Variants in GASK1A observed in about 807,000 individuals in gnomAD.
GASK1A encodes golgi associated kinase 1A.
Under a neutral mutation model 41.2 loss-of-function variants are expected in GASK1A, and 40 were observed. The ratio of observed to expected loss-of-function variants is 0.97; its 90% confidence interval spans 0.75 to 1.27. The LOEUF is 1.27. Among genes scored for constraint, GASK1A ranks in the 50% most tolerant of loss-of-function variants. GASK1A has a pLI of 0.00. For missense variants in GASK1A, 678 were observed against 745.1 expected (o/e 0.91, Z 1.05); for synonymous variants, 316 against 307.1 (o/e 1.03, Z -0.30).
Position 42,984,736 on chromosome 3 carries a change from A to C in GASK1A, c.3+5091A>C, listed in dbSNP as rs1238222290. On this transcript the variant is annotated intron_variant, in intron 1 of 4. Transcript: ENST00000430121. The surrounding 1 kb of genome is among the most constrained non-coding windows in gnomAD (Gnocchi z 4.2). ...GGTACAGGCTCCTGCCTTTAAGGGT[A>C]CCGCTTTGCTTTAGAGCAGAAAGCA... is the stretch of plus-strand genomic sequence containing the variant. Among the ~76,000 whole-genome samples the C allele has an allele frequency of 6.6e-6, 1 of 152,156 alleles. No homozygotes were observed. The highest frequency in any genetic ancestry group is 1.9e-4 in the East Asian group (1 of 5,190).
intron 2 of GASK1A, among the ~76,000 whole-genome samples, chr3:43,047,083 C>T (rs1388561433): frequency 6.6e-6 from 1 of 152,222 alleles, no homozygotes; most frequent in South Asian, 2.1e-4. Flanking sequence ...TCAGAGCCCC[C>T]ACACAGAGTT....
chr3:43,043,693 A>G lies in GASK1A; in HGVS notation c.1291-9828A>G, dbSNP rs374173787. Among the ~76,000 whole-genome samples the G allele has an allele frequency of 2.5e-4, 38 of 152,342 alleles. No individual in the cohort carries two copies. In the South Asian group the frequency reaches 7.9e-3, roughly 32 times the overall value. On this transcript the variant is annotated intron_variant, in intron 2 of 4. Coordinates refer to ENST00000430121, the MANE Select transcript of GASK1A (RefSeq NM_001129908.3). The stretch of plus-strand genomic sequence containing the variant: ...ATAATACCTGGCACAGAGTAAGGGC[A>G]TTACAATGGCTTAACTAAATTTAAA...
At chr3:42,982,895 G>A (rs1326486893) in intron 1 of GASK1A, among the ~76,000 whole-genome samples, 2 of 152,214 alleles carry the variant, frequency 1.3e-5, no homozygotes, top group Admixed American at 1.3e-4. Flanking sequence ...ACATGGGCCA[G>A]TCCTCCTTGG....
chr3:42,997,647 T>C (rs1319445604), intron 1 of GASK1A, among the ~76,000 whole-genome samples: 1 of 152,224 alleles, frequency 6.6e-6, no homozygotes, highest in Non-Finnish European at 1.5e-5. Flanking sequence ...TTCCCCCTCA[T>C]AGCTTATGTT....
chr3:43,018,162 C>T (rs1279956542), intron 1 of GASK1A, among the ~76,000 whole-genome samples: 2 of 152,200 alleles, frequency 1.3e-5, no homozygotes, highest in Non-Finnish European at 2.9e-5. Context: ...CCTATACTCA[C>T]ATCTTTATCC....
chr3:43,041,007 G>A (rs2089634286), intron 2 of GASK1A, among the ~76,000 whole-genome samples: 2 of 150,700 alleles, frequency 1.3e-5, no homozygotes, highest in African/African-American at 4.9e-5. Context: ...AGTTTACTGA[G>A]AATGATGATT....
In GASK1A at chr3:43,056,211, G is replaced by T. The variant is rs1182371380; in HGVS notation, c.1553G>T (p.Gly518Val). The T allele has an allele frequency of 6.4e-7, 1 of 1,551,648 alleles. No homozygotes were observed. Among genetic ancestry groups the T allele is most frequent in the Admixed American group, 2.0e-5 (1 of 51,000 alleles). The change falls in exon 5 of 5, where the codon GGG becomes GTG. Residue 518 changes from glycine (G) to valine (V), a missense_variant. Transcript: ENST00000430121. ...TCTGCCGTGAAGGTTCTCGCATCAG[G>T]GTGTCTACAGAACATGCTGCTGAAG... ...PESAVKVLAS[G>V]CLQNMLLKSL...
At chr3:42,994,062 C>A (rs1262941431) in intron 1 of GASK1A, among the ~76,000 whole-genome samples, 1 of 152,228 alleles carries the variant, frequency 6.6e-6, no homozygotes, top group Non-Finnish European at 1.5e-5. Flanking sequence ...GGCCCTCCAG[C>A]CACAAATGTG....
Position 43,047,163 on chromosome 3 carries a change from C to T in GASK1A, c.1291-6358C>T, listed in dbSNP as rs190487136. ...CCTCCAGACCCCAGAATGGTAGACA[C>T]ACTGACAGCTTGCACTGTGCACCTG... On this transcript the variant is annotated intron_variant, in intron 2 of 4. Transcript: ENST00000430121. 1.9e-3 allele frequency among the ~76,000 whole-genome samples: 296 copies of T among 152,296 alleles called. 3 individuals carry two copies. The highest frequency in any genetic ancestry group is 6.9e-3 in the African/African-American group (285 of 41,548).
intron 1 of GASK1A, among the ~76,000 whole-genome samples, chr3:43,017,172 A>G (rs540237596): frequency 2.1e-3 from 322 of 151,660 alleles, no homozygotes; most frequent in African/African-American, 7.1e-3. Context: ...AAGTCACAGG[A>G]AGGGGCAGTG....
intron 1 of GASK1A, among the ~76,000 whole-genome samples, chr3:42,993,762 T>C (rs1461780074): frequency 1.3e-5 from 2 of 152,216 alleles, no homozygotes; most frequent in Non-Finnish European, 2.9e-5. Context: ...TAAAACCTGA[T>C]GTGTGCCAGG....
intron 1 of GASK1A, among the ~76,000 whole-genome samples, chr3:43,010,761 C>A (rs1457293858): frequency 6.6e-6 from 1 of 152,208 alleles, no homozygotes; most frequent in East Asian, 1.9e-4. Flanking sequence ...CTAGCTATTG[C>A]CATTTGTTCT....
In GASK1A at chr3:43,033,532, G is replaced by A. The variant is rs772050751; in HGVS notation, c.1269G>A (p.Ala423=). ...GIHHTEWARL[A]LFDFLLQVHD... ...ACCATACCGAGTGGGCACGCCTGGC[G>A]CTCTTCGACTTCCTGTTGCAGGTAG... is the stretch of plus-strand genomic sequence containing the variant. Residue 423 remains alanine, a synonymous_variant, in exon 2 of 5, where the codon GCG becomes GCA. Coordinates refer to ENST00000430121, the MANE Select transcript of GASK1A (RefSeq NM_001129908.3). The A allele has an allele frequency of 3.0e-5, 46 of 1,535,488 alleles. No homozygotes were observed. The highest frequency in any genetic ancestry group is 1.6e-4 in the Admixed American group (8 of 50,388).
intron 2 of GASK1A, among the ~76,000 whole-genome samples, chr3:43,034,123 T>C (rs1413329139): frequency 6.6e-6 from 1 of 152,214 alleles, no homozygotes; most frequent in Non-Finnish European, 1.5e-5. Context: ...TACCACTGTT[T>C]ATAACTTTAC....
At chr3:43,042,175 T>G (rs1055331177) in intron 2 of GASK1A, among the ~76,000 whole-genome samples, 1 of 151,968 alleles carries the variant, frequency 6.6e-6, no homozygotes, top group African/African-American at 2.4e-5. Context: ...TCCTACTTAT[T>G]GAGAGTGTTC....
At chr3:43,020,253 C>CT (rs777667427) in intron 1 of GASK1A, among the ~76,000 whole-genome samples, 2 of 152,330 alleles carry the variant, frequency 1.3e-5, no homozygotes, top group South Asian at 2.1e-4. Flanking sequence ...ACTGTAAACT[C>CT]TAAGTACGGT....
intron 1 of GASK1A, among the ~76,000 whole-genome samples, chr3:43,007,315 C>G (rs1388426918): frequency 6.6e-6 from 1 of 152,194 alleles, no homozygotes; most frequent in Admixed American, 6.5e-5. Context: ...CTCCTGTTTT[C>G]AGTATAGTCC....
chr3:42,996,211 C>G (rs1228238322), intron 1 of GASK1A, among the ~76,000 whole-genome samples: 1 of 152,174 alleles, frequency 6.6e-6, no homozygotes, highest in Non-Finnish European at 1.5e-5. Flanking sequence ...GGAGTTGATC[C>G]CATGGGCGTT....
At chr3:42,999,502 T>C (rs2089397086) in intron 1 of GASK1A, among the ~76,000 whole-genome samples, 1 of 152,168 alleles carries the variant, frequency 6.6e-6, no homozygotes, top group Non-Finnish European at 1.5e-5. Flanking sequence ...AGTGGCTGGC[T>C]CTCTCGCAGC....
Sources: allele counts gnomAD v4.1 joint callset (sites outside exome capture counted in the v4.1 genomes callset), GRCh38; gene constraint gnomAD v4.1.1; non-coding constraint Gnocchi (gnomAD v3.1); transcripts MANE v1.5; gene names NCBI Gene and HGNC (gene_info 2026-07-23, HGNC 2026-07-21).